Variants in SAMD10 observed in about 807,000 individuals in gnomAD.
SAMD10 encodes sterile alpha motif domain containing 10, also known as sterile alpha motif domain-containing protein 10.
SAMD10 carries 16 observed loss-of-function variants against 22.5 expected under a neutral mutation model. That is an observed-to-expected ratio of 0.71 (90% CI 0.48 to 1.08). The LOEUF (loss-of-function observed/expected upper bound fraction) is 1.08. Among genes scored for constraint, SAMD10 ranks in the 50% least tolerant of loss-of-function variants. The probability of loss-of-function intolerance (pLI) is 0.00; values close to 1 mark genes in which losing one functional copy is unlikely to be tolerated. For missense variants in SAMD10, 227 were observed against 281.3 expected (o/e 0.81, Z 1.38); for synonymous variants, 118 against 122.2 (o/e 0.97, Z 0.23).
chr20:63,976,270 G>C (rs1448274174), intron 3 of SAMD10, among the ~76,000 whole-genome samples: 9 of 152,058 alleles, frequency 5.9e-5, no homozygotes, highest in African/African-American at 1.9e-4. Context: ...GGAAGCACGG[G>C]CACAGAGAGA....
chr20:63,978,379 G>A lies in SAMD10; in HGVS notation c.92-973C>T, dbSNP rs749956772. ...AACAGAGCCTGTGGGGAGACAGAAGGTGGGCACAGGCCTGCCCCTGTCTTT... is the reference window on the plus strand; with the variant it reads ...AACAGAGCCTGTGGGGAGACAGAAGATGGGCACAGGCCTGCCCCTGTCTTT... On this transcript the variant is annotated intron_variant, in intron 1 of 4. Coordinates refer to ENST00000369886, the MANE Select transcript of SAMD10 (RefSeq NM_080621.5). 3 of 1,126,152 alleles carry A rather than the reference G, an allele frequency of 2.7e-6. 1 individual carries two copies. The South Asian group carries it at 3.9e-5, about 15-fold the overall frequency. The allele number at this position is 1,126,152 out of a possible 1,614,324, so 69.8% of individuals were successfully genotyped here.
rs138345680 is a variant in SAMD10 at position 63,975,848 on chromosome 20, A to C, written c.446-16T>G. The C allele has an allele frequency of 6.3e-7, 1 of 1,581,826 alleles. No homozygotes were observed. Among genetic ancestry groups the C allele is most frequent in the African/African-American group, 1.4e-5 (1 of 74,020 alleles). On this transcript the variant is annotated splice_polypyrimidine_tract_variant and intron_variant, in intron 3 of 4. Transcript: ENST00000369886. ...AGTGCCCGGCCTGGGGAGAGGAAAGAGGGGCTGAGCTGAGGCCAACAGAGG... is the reference window on the plus strand; with the variant it reads ...AGTGCCCGGCCTGGGGAGAGGAAAGCGGGGCTGAGCTGAGGCCAACAGAGG...
rs919686191 is a variant in SAMD10 at position 63,975,315 on chromosome 20, G to A, written c.*195C>T. The A allele has an allele frequency of 1.7e-6, 1 of 588,826 alleles. No homozygotes were observed. Among genetic ancestry groups the A allele is most frequent in the Non-Finnish European group, 2.9e-6 (1 of 346,266 alleles). 36.5% of individuals were successfully genotyped at this position (588,826 alleles called of 1,614,324 possible). A position where few individuals can be genotyped will look rare whatever the true frequency, so the allele number is the denominator to read the frequency against. On this transcript the variant is annotated 3_prime_UTR_variant, in exon 5 of 5. Coordinates refer to ENST00000369886, the MANE Select transcript of SAMD10 (RefSeq NM_080621.5). ...ACTCAAGCAGCCCCCTACCCACCCA[G>A]CCCCAGGGCACGACCTGGAATGTCC...
At chr20:63,976,622 C>A (rs776543957) in intron 3 of SAMD10, among the ~76,000 whole-genome samples, 8 of 151,564 alleles carry the variant, frequency 5.3e-5, no homozygotes, top group Non-Finnish European at 1.2e-4. Flanking sequence ...ATTAGCCAGG[C>A]GTGGTGGTGC....
intron 3 of SAMD10, 30 bp from the exon 4 acceptor site, chr20:63,975,862 G>A (rs2122928647): frequency 6.5e-7 from 1 of 1,539,474 alleles, no homozygotes; most frequent in Non-Finnish European, 8.7e-7. Flanking sequence ...GCTGAGCTGA[G>A]GCCAACAGAG....
rs60461303 is a variant in SAMD10, at chr20:63,976,764, C to CAAA, written c.445+204_445+206dup. 4.9e-3 allele frequency among the ~76,000 whole-genome samples: 316 copies of CAAA among 63,938 alleles called. 22 individuals are homozygous for CAAA. The highest frequency in any genetic ancestry group is 0.019 in the African/African-American group (288 of 14,952). The allele number at this position is 63,938 out of a possible 152,430, so 41.9% of individuals were successfully genotyped here. A position where few individuals can be genotyped will look rare whatever the true frequency, so the allele number is the denominator to read the frequency against. Reference sequence around the variant, plus strand: ...CAACAGGAGTAAATCTCTGTCTCACCAAAAAAAAAAAAAAAAAAAAAAAAA... The same window carrying CAAA: ...CAACAGGAGTAAATCTCTGTCTCACCAAAAAAAAAAAAAAAAAAAAAAAAAAAA... On this transcript the variant is annotated intron_variant, in intron 3 of 4. Transcript: ENST00000369886.
chr20:63,976,901 C>A (rs2059027047), intron 3 of SAMD10, 70 bp downstream of exon 3: 2 of 1,491,430 alleles, frequency 1.3e-6, no homozygotes. Context: ...GAAAGGCAGG[C>A]TGAGTGTGGG....
chr20:63,976,900 G>A (rs1306068855), intron 3 of SAMD10, 71 bp downstream of exon 3: 1 of 1,486,740 alleles, frequency 6.7e-7, no homozygotes, highest in South Asian at 1.2e-5. Flanking sequence ...AGAAAGGCAG[G>A]CTGAGTGTGG....
rs1366741111 is a variant in SAMD10, at chr20:63,974,643, C to T, written c.*867G>A. On this transcript the variant is annotated 3_prime_UTR_variant, in exon 5 of 5. Coordinates refer to ENST00000369886, the MANE Select transcript of SAMD10 (RefSeq NM_080621.5). ...GGGGAGTGGCCCTGGGAAGGCCTCT[C>T]CCCTGAATCCAGGCCTTCTTGGGAA... is the stretch of plus-strand genomic sequence containing the variant. 2 of 152,388 alleles carry T rather than the reference C, an allele frequency of 1.3e-5. No individual in the cohort carries two copies. The highest frequency in any genetic ancestry group is 1.9e-4 in the East Asian group (1 of 5,202). 9.4% of individuals were successfully genotyped at this position (152,388 alleles called of 1,614,324 possible). A position where few individuals can be genotyped will look rare whatever the true frequency, so the allele number is the denominator to read the frequency against.
chr20:63,978,059 A>C (rs892964126), intron 1 of SAMD10, among the ~76,000 whole-genome samples: 1 of 152,270 alleles, frequency 6.6e-6, no homozygotes, highest in African/African-American at 2.4e-5. Context: ...CAGGGCCTGC[A>C]GCCCGGGACA....
chr20:63,979,677 G>A, upstream of SAMD10: 1 of 985,306 alleles, frequency 1.0e-6, no homozygotes, highest in South Asian at 4.7e-5. This position sits in a 1 kb window ranked among gnomAD's most constrained non-coding sequence, Gnocchi z 7.7. Context: ...AGGTGTGTCG[G>A]CGGCGCGCGG....
At chr20:63,976,850 G>T (rs978078780) in intron 3 of SAMD10, 121 bp downstream of exon 3, 105 of 742,388 alleles carry the variant, frequency 1.4e-4, no homozygotes, top group Non-Finnish European at 2.1e-4. Flanking sequence ...AGGGGAGGTT[G>T]ATTCACAGGA....
intron 1 of SAMD10, among the ~76,000 whole-genome samples, chr20:63,978,950 TC>T (rs886337602): frequency 6.6e-6 from 1 of 152,128 alleles, no homozygotes; most frequent in African/African-American, 2.4e-5. Context: ...CGGAGGGAGT[TC>T]CGTCCGTCCC....
chr20:63,976,830 T>C (rs2059026474), intron 3 of SAMD10, 141 bp downstream of exon 3: 2 of 611,982 alleles, frequency 3.3e-6, no homozygotes, highest in Non-Finnish European at 2.8e-6. Flanking sequence ...TCTGCGGAGA[T>C]GAAGAACAGA....
chr20:63,976,786 AAAAAAG>A (rs1409862813), intron 3 of SAMD10, among the ~76,000 whole-genome samples, 179 bp downstream of exon 3: 9 of 151,488 alleles, frequency 5.9e-5, no homozygotes, highest in Non-Finnish European at 1.2e-4. Flanking sequence ...AAAAAAAAAA[AAAAAAG>A]AAAGGCAGAG....
chr20:63,976,866 T>C lies in SAMD10; in HGVS notation c.445+105A>G, dbSNP rs530990652. 1.8e-4 allele frequency: 190 copies of C among 1,080,126 alleles called. 2 individuals carry two copies. The South Asian group carries it at 2.3e-3, about 13-fold the overall frequency. 66.9% of individuals were successfully genotyped at this position (1,080,126 alleles called of 1,614,324 possible). A position where few individuals can be genotyped will look rare whatever the true frequency, so the allele number is the denominator to read the frequency against. ...GGGGAGGTTGATTCACAGGAGAAAC[T>C]AGACAGACGAAAACAACAGCAAGAG... On this transcript the variant is annotated intron_variant, in intron 3 of 4. Coordinates refer to ENST00000369886, the MANE Select transcript of SAMD10 (RefSeq NM_080621.5).
At position 63,975,678 on chromosome 20, in the gene SAMD10, C is replaced by A. The variant is rs1465525146; in HGVS notation, c.586+14G>T. 2 of 1,591,540 alleles carry A rather than the reference C, an allele frequency of 1.3e-6. No homozygotes were observed. Among genetic ancestry groups the A allele is most frequent in the Non-Finnish European group, 1.7e-6 (2 of 1,168,482 alleles). ...TCCATCAGCCCCCAGGCCTCTCTGGCACCTCACACTGACCTTGGCTGAGCA... is the reference window on the plus strand; with the variant it reads ...TCCATCAGCCCCCAGGCCTCTCTGGAACCTCACACTGACCTTGGCTGAGCA... On this transcript the variant is annotated intron_variant, in intron 4 of 4. Transcript: ENST00000369886.
chr20:63,978,677 C>T (rs2059041179), intron 1 of SAMD10, among the ~76,000 whole-genome samples: 1 of 152,258 alleles, frequency 6.6e-6, no homozygotes, highest in African/African-American at 2.4e-5. Context: ...CCCTGGGTGA[C>T]TCCAAATTTG....
At position 63,977,308 on chromosome 20, in the gene SAMD10, T is replaced by A; in HGVS notation, c.190A>T (p.Thr64Ser). 6.2e-7 allele frequency: 1 copy of A among 1,613,386 alleles called. No homozygotes were observed. Among genetic ancestry groups the A allele is most frequent in the Non-Finnish European group, 8.5e-7 (1 of 1,180,006 alleles). The part of the protein sequence containing the change: ...HLPRTPGTSL[T>S]WHDSRSQRAA... ...CTCTGGCTGCGGGAGTCATGCCACG[T>A]GAGGCTGGTGCCAGGTGTCCGAGGC... The change falls in exon 2 of 5, where the codon ACG becomes TCG. Residue 64 changes from threonine (T) to serine (S), a missense_variant. By Grantham distance (58) the Thr-to-Ser change is moderately conservative. Transcript: ENST00000369886. This position sits in a 1 kb window ranked among gnomAD's most constrained non-coding sequence, Gnocchi z 5.4.
Sources: gnomAD v4.1 joint callset for allele counts (sites outside exome capture counted in the v4.1 genomes callset) on GRCh38, gnomAD v4.1.1 for gene constraint, Gnocchi (gnomAD v3.1) non-coding constraint, MANE v1.5 for transcripts, NCBI Gene and HGNC (gene_info 2026-07-23, HGNC 2026-07-21) for gene names.